Variants in TOR1AIP1 observed in about 807,000 individuals in gnomAD.
TOR1AIP1 encodes the protein torsin-1A-interacting protein 1.
A neutral mutation model predicts 63.3 loss-of-function variants in TOR1AIP1; 54 were observed. The observed-to-expected ratio is 0.85, with a 90% CI of 0.69 to 1.07. TOR1AIP1 has a LOEUF of 1.07. Ranked by LOEUF, TOR1AIP1 falls within the 50% of genes least tolerant of loss-of-function variation. The probability of loss-of-function intolerance (pLI) is 0.00; values close to 1 mark genes in which losing one functional copy is unlikely to be tolerated. For missense variants in TOR1AIP1, 736 were observed against 715.0 expected, an observed-to-expected ratio of 1.03 and a Z score of -0.33; for synonymous variants, 294 against 273.5, an observed-to-expected ratio of 1.07 and a Z score of -0.74.
chr1:179,884,279 G>T (rs922585810), intron 1 of TOR1AIP1, among the ~76,000 whole-genome samples: 10 of 152,084 alleles, frequency 6.6e-5, no homozygotes, highest in Non-Finnish European at 1.3e-4. Flanking sequence ...ATGTTACATT[G>T]TATTGAGTTC....
In TOR1AIP1 at chr1:179,906,487, T is replaced by G. The variant is rs530578955; in HGVS notation, c.797-1336T>G. Among the ~76,000 whole-genome samples the G allele has an allele frequency of 3.3e-5, 5 of 152,344 alleles. No homozygotes were observed. In the South Asian group the frequency reaches 1.0e-3, roughly 32 times the overall value. On this transcript the variant is annotated intron_variant, in intron 6 of 9. Transcript: ENST00000606911. ...GCAGATTTGAAAATTTACCTTGTTA[T>G]AATTGTAATGTCATTTTTTAGTCAT...
chr1:179,882,713 G>C lies in TOR1AIP1; in HGVS notation c.211G>C (p.Glu71Gln), dbSNP rs1647755228. Residue 71 changes from glutamate to glutamine, a missense_variant, in exon 1 of 10, where the codon GAG becomes CAG. Transcript: ENST00000606911. ...GCCGCCAGAAGTGTACGGCGACTTC[G>C]AGCCCCTGGTGGCCAAAGAAAGGTC... Reference protein sequence around the residue: ...DEPPEVYGDFEPLVAKERSPV... With the variant: ...DEPPEVYGDFQPLVAKERSPV... 1 of 1,613,240 alleles carries C rather than the reference G, an allele frequency of 6.2e-7. No individual in the cohort carries two copies. The highest frequency in any genetic ancestry group is 8.5e-7 in the Non-Finnish European group (1 of 1,179,582).
intron 3 of TOR1AIP1, among the ~76,000 whole-genome samples, chr1:179,898,587 GT>G (rs1325048818): frequency 1.3e-5 from 2 of 152,116 alleles, no homozygotes; most frequent in African/African-American, 4.8e-5. Context: ...TTGGCCAGCT[GT>G]GGAGCTCATG....
chr1:179,901,189 C>A (rs2148476945), intron 4 of TOR1AIP1, 113 bp from the exon 5 acceptor site: 3 of 578,718 alleles, frequency 5.2e-6, no homozygotes, highest in East Asian at 6.1e-5. Flanking sequence ...AGTTCTATAT[C>A]TGATAACTTA....
rs1409808147 is a variant in TOR1AIP1, at chr1:179,918,203, A to G, written c.1716A>G (p.Gln572=). 3.7e-6 allele frequency: 6 copies of G among 1,606,440 alleles called. No homozygotes were observed. The highest frequency in any genetic ancestry group is 5.1e-6 in the Non-Finnish European group (6 of 1,179,414). ...SRISHLVLPV[Q]PENALKRGIC... is the part of the protein sequence containing the mutation. ...TTTCTCACTTAGTTCTGCCTGTGCA[A>G]CCTGAAAATGCCCTGAAAAGGGGCA... Residue 572 remains glutamine, a synonymous_variant, in exon 10 of 10, where the codon CAA becomes CAG. Coordinates refer to ENST00000606911, the MANE Select transcript of TOR1AIP1 (RefSeq NM_015602.4).
chr1:179,909,772 G>GT (rs964966088), intron 8 of TOR1AIP1, among the ~76,000 whole-genome samples: 8 of 151,092 alleles, frequency 5.3e-5, no homozygotes, highest in South Asian at 2.1e-4. Context: ...TTTGTTTTGG[G>GT]TTTTTTTTGA....
intron 8 of TOR1AIP1, among the ~76,000 whole-genome samples, chr1:179,912,017 TTTTTCTTTTTTC>T (rs1413392024): frequency 3.4e-5 from 5 of 145,108 alleles, no homozygotes; most frequent in Non-Finnish European, 7.6e-5. Flanking sequence ...TTTTCTTTTT[TTTTTCTTTTTTC>T]TTTTTTCTTT....
At chr1:179,899,887 C>T (rs944989006) in intron 3 of TOR1AIP1, among the ~76,000 whole-genome samples, 2 of 152,078 alleles carry the variant, frequency 1.3e-5, no homozygotes, top group Non-Finnish European at 2.9e-5. Context: ...TCAAGTGATC[C>T]ACCCACCTCG....
intron 1 of TOR1AIP1, among the ~76,000 whole-genome samples, chr1:179,884,478 ATAT>A (rs1177378038): frequency 2.6e-5 from 4 of 151,442 alleles, no homozygotes; most frequent in East Asian, 3.9e-4. Context: ...ACAATGGCAA[ATAT>A]TATTATATTC....
intron 1 of TOR1AIP1, chr1:179,883,677 GC>G: frequency 2.2e-6 from 1 of 456,274 alleles, no homozygotes. Flanking sequence ...AAGTAGTCTG[GC>G]AAATCAGACT....
intron 3 of TOR1AIP1, among the ~76,000 whole-genome samples, chr1:179,896,171 G>A (rs1274516957): frequency 1.3e-5 from 2 of 152,136 alleles, no homozygotes; most frequent in Admixed American, 6.5e-5. Flanking sequence ...GACTTTTTAA[G>A]TTGCTAAGTA....
chr1:179,900,565 TA>T (rs66464156), intron 4 of TOR1AIP1: 3,698 of 145,378 alleles, frequency 0.025, 123 homozygotes, highest in African/African-American at 0.069. Flanking sequence ...GCCCATCTCT[TA>T]AAAAAAAAAA....
rs546431553 is a variant in TOR1AIP1 at position 179,905,394 on chromosome 1, AAAAG to A, written c.796+1376_796+1379del. Among the ~76,000 whole-genome samples, 641 of 152,192 alleles carry A rather than the reference AAAAG, an allele frequency of 4.2e-3. 5 individuals carry two copies. The highest frequency in any genetic ancestry group is 0.014 in the African/African-American group (599 of 41,530). On this transcript the variant is annotated intron_variant, in intron 6 of 9. Coordinates refer to ENST00000606911, the MANE Select transcript of TOR1AIP1 (RefSeq NM_015602.4). ...AGACCCTGTCTCAAGAAAAAAGAAAAAAAGAAAAAGCCTTTGGAAATCTTTTTTA... is the reference window on the plus strand; with the variant it reads ...AGACCCTGTCTCAAGAAAAAAGAAAAAAAAAGCCTTTGGAAATCTTTTTTA...
At chr1:179,901,501 G>A (rs540805097) in intron 5 of TOR1AIP1, 113 bp downstream of exon 5, 17 of 513,488 alleles carry the variant, frequency 3.3e-5, no homozygotes, top group Admixed American at 3.1e-4. Context: ...ATAAAAAGTC[G>A]TGAATTTTTC....
At chr1:179,889,880 G>A (rs1439297607) in intron 3 of TOR1AIP1, among the ~76,000 whole-genome samples, 1 of 152,040 alleles carries the variant, frequency 6.6e-6, no homozygotes, top group African/African-American at 2.4e-5. Context: ...TCAAACGCCT[G>A]GGTAAGTGAT....
Position 179,884,684 on chromosome 1 carries a change from T to G in TOR1AIP1, c.476-8T>G. ...TGAATTTTAACTCTTGTTATGTCTGTTTTTTAGAGGATGAAGCATCTTCCC... is the reference window on the plus strand; with the variant it reads ...TGAATTTTAACTCTTGTTATGTCTGGTTTTTAGAGGATGAAGCATCTTCCC... On this transcript the variant is annotated splice_region_variant and splice_polypyrimidine_tract_variant and intron_variant, in intron 1 of 9. Coordinates refer to ENST00000606911, the MANE Select transcript of TOR1AIP1 (RefSeq NM_015602.4). The G allele has an allele frequency of 6.2e-7, 1 of 1,602,936 alleles. No individual in the cohort carries two copies. Among genetic ancestry groups the G allele is most frequent in the East Asian group, 2.3e-5 (1 of 44,096 alleles).
intron 3 of TOR1AIP1, among the ~76,000 whole-genome samples, chr1:179,892,362 G>A (rs1648110705): frequency 6.6e-6 from 1 of 151,750 alleles, no homozygotes; most frequent in African/African-American, 2.4e-5. Flanking sequence ...AACCCCAGCT[G>A]CTTGAGAGTC....
At chr1:179,900,191 T>A (rs1374075026) in intron 4 of TOR1AIP1, 24 bp downstream of exon 4, 5 of 1,481,502 alleles carry the variant, frequency 3.4e-6, no homozygotes, top group East Asian at 2.3e-5. Flanking sequence ...AAATATCATA[T>A]AATATATACT....
chr1:179,890,326 TA>T (rs1206418908), intron 3 of TOR1AIP1, among the ~76,000 whole-genome samples: 1 of 152,212 alleles, frequency 6.6e-6, no homozygotes, highest in African/African-American at 2.4e-5. Context: ...TCATGGGAAC[TA>T]AAAAGGAAAT....
Sources: gnomAD v4.1 joint callset for allele counts (sites outside exome capture counted in the v4.1 genomes callset) on GRCh38, gnomAD v4.1.1 for gene constraint, MANE v1.5 for transcripts, NCBI Gene and HGNC (gene_info 2026-07-23, HGNC 2026-07-21) for gene names.